Variants in ATP6V0A4 observed in about 807,000 individuals in gnomAD.
ATP6V0A4 encodes the protein ATPase H+ transporting V0 subunit a4.
ATP6V0A4 carries 86 observed loss-of-function variants against 107.3 expected under a neutral mutation model. That is an observed-to-expected ratio of 0.80 (90% confidence interval 0.67 to 0.96). The LOEUF is 0.96. Ranked by LOEUF, ATP6V0A4 falls within the 40% of genes least tolerant of loss-of-function variation. ATP6V0A4 has a pLI of 0.00. For missense variants in ATP6V0A4, 908 were observed against 1,045.6 expected (o/e 0.87, Z 1.81); for synonymous variants, 353 against 381.4 (o/e 0.93, Z 0.87).
At chr7:138,729,787 G>A (rs1584904591) in intron 17 of ATP6V0A4, among the ~76,000 whole-genome samples, 3 of 152,330 alleles carry the variant, frequency 2.0e-5, no homozygotes, top group South Asian at 2.1e-4. Flanking sequence ...TCTGACCAAG[G>A]TCGCAGTAAA....
At chr7:138,750,863 G>A (rs1413684888) in intron 11 of ATP6V0A4, among the ~76,000 whole-genome samples, 1 of 152,142 alleles carries the variant, frequency 6.6e-6, no homozygotes, top group South Asian at 2.1e-4. Context: ...CTGCCTCCTG[G>A]CTATAGGACT....
At chr7:138,753,388 G>C (rs987467410) in intron 10 of ATP6V0A4, among the ~76,000 whole-genome samples, 1 of 152,324 alleles carries the variant, frequency 6.6e-6, no homozygotes, top group East Asian at 1.9e-4. Context: ...GAGGGAGCAC[G>C]GCCCTGCTGA....
At chr7:138,796,648 C>T (rs1808678714) in intron 1 of ATP6V0A4, among the ~76,000 whole-genome samples, 1 of 152,182 alleles carries the variant, frequency 6.6e-6, no homozygotes, top group Admixed American at 6.5e-5. Context: ...GCCCAAATGT[C>T]ACTTTCTCTG....
At chr7:138,774,781 A>T (rs1807581305) in intron 2 of ATP6V0A4, among the ~76,000 whole-genome samples, 1 of 151,688 alleles carries the variant, frequency 6.6e-6, no homozygotes, top group Non-Finnish European at 1.5e-5. Context: ...TATCACACTC[A>T]CCATCCTATC....
At chr7:138,750,745 C>T (rs1381494267) in intron 11 of ATP6V0A4, among the ~76,000 whole-genome samples, 4 of 152,222 alleles carry the variant, frequency 2.6e-5, no homozygotes, top group Admixed American at 1.3e-4. Context: ...CGCACCCCCG[C>T]CCTGCTCAGC....
intron 20 of ATP6V0A4, among the ~76,000 whole-genome samples, chr7:138,711,883 T>C (rs1428190339): frequency 6.6e-6 from 1 of 152,258 alleles, no homozygotes; most frequent in Non-Finnish European, 1.5e-5. Flanking sequence ...TCCTGTGCAC[T>C]GATGTGCATT....
intron 9 of ATP6V0A4, 131 bp downstream of exon 9, chr7:138,756,327 T>G: frequency 6.7e-7 from 1 of 1,488,328 alleles, no homozygotes; most frequent in African/African-American, 1.4e-5. Flanking sequence ...GGGGCTGACT[T>G]TTATGTGAGA....
chr7:138,792,483 T>C (rs1808460442), intron 1 of ATP6V0A4, among the ~76,000 whole-genome samples: 1 of 152,134 alleles, frequency 6.6e-6, no homozygotes, highest in African/African-American at 2.4e-5. Flanking sequence ...TGTCGTAATC[T>C]CTACAAAATG....
intron 14 of ATP6V0A4, among the ~76,000 whole-genome samples, chr7:138,742,852 TG>T (rs1177579611): frequency 7.0e-6 from 1 of 143,446 alleles, no homozygotes; most frequent in East Asian, 2.1e-4. Context: ...TTTAAATTTA[TG>T]AAAGTTTTGT....
Position 138,715,722 on chromosome 7 carries a change from T to C in ATP6V0A4, c.2257+42A>G, listed in dbSNP as rs1049290711. 9.4e-6 allele frequency: 15 copies of C among 1,602,570 alleles called. No individual in the cohort carries two copies. In the African/African-American group the frequency reaches 1.6e-4, roughly 17 times the overall value. ...TACATGGCACCTATTTCCTGGGGTG[T>C]TGGGGAGAGCTGACTGTCCCCCCGA... On this transcript the variant is annotated intron_variant, in intron 20 of 21. Coordinates refer to ENST00000310018, the MANE Select transcript of ATP6V0A4 (RefSeq NM_020632.3).
intron 17 of ATP6V0A4, 147 bp from the exon 18 acceptor site, chr7:138,729,009 C>T (rs1271769326): frequency 6.8e-7 from 1 of 1,469,478 alleles, no homozygotes; most frequent in South Asian, 1.2e-5. Context: ...CACCTTCACG[C>T]CTGGAATATT....
Position 138,749,079 on chromosome 7 carries a change from C to A in ATP6V0A4, c.1180+88G>T, listed in dbSNP as rs190299977. 276 of 1,542,568 alleles carry A rather than the reference C, an allele frequency of 1.8e-4. No individual in the cohort carries two copies. The African/African-American group carries it at 3.4e-3, about 19-fold the overall frequency. ...CTAGCCCCAAGCCTCACAGTTTTAA[C>A]AAGTTCACCACCTCGGTCACCTCAG... is the stretch of plus-strand genomic sequence containing the variant. On this transcript the variant is annotated intron_variant, in intron 12 of 21. Transcript: ENST00000310018.
intron 2 of ATP6V0A4, among the ~76,000 whole-genome samples, chr7:138,774,351 G>A (rs1008090831): frequency 1.3e-5 from 2 of 152,044 alleles, no homozygotes; most frequent in Non-Finnish European, 2.9e-5. Flanking sequence ...GGCTGAGGTG[G>A]GCGGATCATT....
At chr7:138,749,015 A>T in intron 12 of ATP6V0A4, 152 bp downstream of exon 12, 1 of 1,036,512 alleles carries the variant, frequency 9.6e-7, no homozygotes, top group Non-Finnish European at 1.5e-6. Context: ...ACTTGCCCCT[A>T]CTATCCTACT....
chr7:138,745,978 T>TATATAA (rs1367872235), intron 13 of ATP6V0A4, among the ~76,000 whole-genome samples: 20 of 122,842 alleles, frequency 1.6e-4, no homozygotes, highest in African/African-American at 6.1e-4. Flanking sequence ...TATATATATA[T>TATATAA]AAAATATATA....
rs975403395 is a variant in ATP6V0A4 at position 138,747,562 on chromosome 7, G to A, written c.1183C>T (p.Pro395Ser). Residue 395 changes from proline (P) to serine (S), a missense_variant and splice_region_variant, in exon 13 of 22, where the codon CCC becomes TCC. Pro to Ser is a moderately conservative substitution (Grantham distance 74). Coordinates refer to ENST00000310018, the MANE Select transcript of ATP6V0A4 (RefSeq NM_020632.3). The stretch of plus-strand genomic sequence containing the variant: ...AAGGGGAAAGTGATGATGGTGTAGG[G>A]GGCTGCGGAGGGGAGACACACAACG... ...VGSYREINPA[P>S]YTIITFPFLF... 4.3e-6 allele frequency: 7 copies of A among 1,613,952 alleles called. No homozygotes were observed. The highest frequency in any genetic ancestry group is 5.9e-6 in the Non-Finnish European group (7 of 1,180,002).
At chr7:138,756,575 G>GA in intron 8 of ATP6V0A4, 35 bp from the exon 9 acceptor site, 1 of 1,600,054 alleles carries the variant, frequency 6.2e-7, no homozygotes, top group Non-Finnish European at 8.5e-7. Context: ...AAAAAGGGGG[G>GA]GGTTTCTTTC....
At chr7:138,788,694 G>A (rs1808269604) in intron 1 of ATP6V0A4, among the ~76,000 whole-genome samples, 1 of 152,136 alleles carries the variant, frequency 6.6e-6, no homozygotes, top group South Asian at 2.1e-4. Flanking sequence ...GTTGTGGGAG[G>A]GACTCAGTGG....
At chr7:138,791,346 A>C (rs1209934227) in intron 1 of ATP6V0A4, among the ~76,000 whole-genome samples, 1 of 152,234 alleles carries the variant, frequency 6.6e-6, no homozygotes, top group African/African-American at 2.4e-5. Context: ...AGAGAATTAC[A>C]GGATGGAGTG....
Sources: gnomAD v4.1 joint callset for allele counts (sites outside exome capture counted in the v4.1 genomes callset) on GRCh38, gnomAD v4.1.1 for gene constraint, MANE v1.5 for transcripts, NCBI Gene and HGNC (gene_info 2026-07-23, HGNC 2026-07-21) for gene names.